The following MLXIPL variants were observed in gnomAD, a reference collection of about 807,000 sequenced individuals.
The protein encoded by MLXIPL is carbohydrate-responsive element-binding protein.
In MLXIPL, 49 loss-of-function variants were observed where a neutral mutation model predicts 81.5. The ratio of observed to expected loss-of-function variants is 0.60; its 90% CI spans 0.48 to 0.76. The LOEUF (loss-of-function observed/expected upper bound fraction) is 0.76. Ranked by LOEUF, MLXIPL falls within the 30% of genes least tolerant of loss-of-function variation. MLXIPL has a pLI of 0.00. For synonymous variants in MLXIPL, 466 were observed against 485.5 expected (o/e 0.96, Z 0.53); for missense variants, 1,053 against 1,167.0 (o/e 0.90, Z 1.42).
At chr7:73,608,108 CG>C (rs1795449197) in intron 2 of MLXIPL, among the ~76,000 whole-genome samples, 1 of 151,544 alleles carries the variant, frequency 6.6e-6, no homozygotes, top group Admixed American at 6.6e-5. Context: ...CCACCTGCCT[CG>C]GGCTTCCAAA....
At chr7:73,647,907 C>T in the MLXIPL span, among the ~76,000 whole-genome samples, 1 of 151,330 alleles carries the variant, frequency 6.6e-6, no homozygotes, top group Non-Finnish European at 1.5e-5. Flanking sequence ...CAGAGGGCTC[C>T]GTGCGCTGCG....
chr7:73,602,138 T>G (rs868964601), intron 7 of MLXIPL, among the ~76,000 whole-genome samples: 12 of 134,532 alleles, frequency 8.9e-5, no homozygotes, highest in African/African-American at 3.4e-4. Flanking sequence ...CTGCCTTCCT[T>G]CCTTCCTTCC....
the MLXIPL span, among the ~76,000 whole-genome samples, chr7:73,643,430 C>G: frequency 6.6e-6 from 1 of 151,010 alleles, no homozygotes; most frequent in Non-Finnish European, 1.5e-5. Context: ...AGGAGAATGG[C>G]GTGAACCCGG....
chr7:73,596,746 G>C lies in MLXIPL; in HGVS notation c.1715C>G (p.Thr572Ser), dbSNP rs199616981. Reference protein sequence around the residue: ...PEFPCTFLPPTPAPTPPRPPP... With the variant: ...PEFPCTFLPPSPAPTPPRPPP... ...TGGCCGGGGCGGTGTAGGGGCCGGGGTCGGGGGAAGGAATGTGCAGGGGAA... is the reference window on the plus strand; with the variant it reads ...TGGCCGGGGCGGTGTAGGGGCCGGGCTCGGGGGAAGGAATGTGCAGGGGAA... Residue 572 changes from threonine to serine, a missense_variant, in exon 11 of 17, where the codon ACC (threonine) becomes AGC (serine). Transcript: ENST00000313375. The surrounding 1 kb of genome is among the most constrained non-coding windows in gnomAD (Gnocchi z 4.7). 5.0e-6 allele frequency: 8 copies of C among 1,597,734 alleles called. No homozygotes were observed. The highest frequency in any genetic ancestry group is 6.0e-6 in the Non-Finnish European group (7 of 1,173,534).
chr7:73,640,464 A>T, the MLXIPL span, among the ~76,000 whole-genome samples: 74 of 149,770 alleles, frequency 4.9e-4, no homozygotes, highest in Non-Finnish European at 8.6e-4. Flanking sequence ...CAGTAAAGAA[A>T]ATAAGAAGAG....
At chr7:73,642,862 T>C in the MLXIPL span, among the ~76,000 whole-genome samples, 1 of 152,184 alleles carries the variant, frequency 6.6e-6, no homozygotes, top group African/African-American at 2.4e-5. Context: ...CCCTCTCTTC[T>C]CCCCCAAGTT....
chr7:73,624,098 C>G, intron 1 of MLXIPL, 102 bp downstream of exon 1: 1 of 1,413,648 alleles, frequency 7.1e-7, no homozygotes, highest in Non-Finnish European at 9.3e-7. Flanking sequence ...CAGGACCGGG[C>G]TCGGGTGGGG....
chr7:73,643,738 G>A, the MLXIPL span, among the ~76,000 whole-genome samples: 1 of 152,144 alleles, frequency 6.6e-6, no homozygotes, highest in Non-Finnish European at 1.5e-5. Context: ...CAGGTACTAG[G>A]ACAGAGGGGA....
rs782531233 is a variant in MLXIPL at position 73,597,677 on chromosome 7, C to T, written c.1108G>A (p.Ala370Thr). ...AGGAGGAAATCAGAACTCAGGAAGG[C>T]GCTGGAGTCCAAGGGGCCAGGGCAG... is the stretch of plus-strand genomic sequence containing the variant. ...NSCPGPLDSS[A>T]FLSSDFLLPE... Residue 370 changes from alanine to threonine, a missense_variant, in exon 9 of 17, where the codon GCC (alanine) becomes ACC (threonine). Physicochemically the swap from Ala to Thr is moderately conservative, Grantham distance 58 (BLOSUM62 0). This residue lies in a region of MLXIPL where 823 missense variants were observed against 933.0 expected (regional missense o/e 0.88). Transcript: ENST00000313375. 56 of 1,369,238 alleles carry T rather than the reference C, an allele frequency of 4.1e-5. No homozygotes were observed. The highest frequency in any genetic ancestry group is 4.4e-5 in the Non-Finnish European group (47 of 1,065,438). The allele number at this position is 1,369,238 out of a possible 1,614,324, so 84.8% of individuals were successfully genotyped here.
At chr7:73,644,224 T>C in the MLXIPL span, among the ~76,000 whole-genome samples, 1 of 151,928 alleles carries the variant, frequency 6.6e-6, no homozygotes, top group Non-Finnish European at 1.5e-5. Context: ...TTTTTTTTTT[T>C]TGAAGCTGAG....
Position 73,606,128 on chromosome 7 carries a change from G to A in MLXIPL, c.619-17C>T, listed in dbSNP as rs377241027. 5.1e-5 allele frequency: 80 copies of A among 1,559,118 alleles called. 1 individual carries two copies. Among genetic ancestry groups the A allele is most frequent in the Admixed American group, 4.2e-4 (22 of 51,882 alleles). ...GCCTTCCGCCTAGGGAGACAGAGCCGTCAGCAGCCGCTAGAGAGCTCCCAC... is the reference window on the plus strand; with the variant it reads ...GCCTTCCGCCTAGGGAGACAGAGCCATCAGCAGCCGCTAGAGAGCTCCCAC... On this transcript the variant is annotated splice_polypyrimidine_tract_variant and intron_variant, in intron 5 of 16. Transcript: ENST00000313375.
intron 2 of MLXIPL, among the ~76,000 whole-genome samples, chr7:73,612,556 C>G (rs72649035): frequency 6.6e-6 from 1 of 151,162 alleles, no homozygotes; most frequent in Admixed American, 6.6e-5. Context: ...GCAGGAGAAT[C>G]GCTTGAACCC....
At chr7:73,613,267 T>C (rs782102169) in intron 2 of MLXIPL, among the ~76,000 whole-genome samples, 19 of 152,104 alleles carry the variant, frequency 1.2e-4, no homozygotes, top group Non-Finnish European at 2.2e-4. Context: ...GACAGTGAGA[T>C]ACAGATGATC....
chr7:73,621,429 G>T (rs1796338950), intron 1 of MLXIPL, among the ~76,000 whole-genome samples: 1 of 151,508 alleles, frequency 6.6e-6, no homozygotes, highest in African/African-American at 2.4e-5. Context: ...CCCTGATTCA[G>T]GTGGGTCCCT....
chr7:73,597,677 C>G lies in MLXIPL; in HGVS notation c.1108G>C (p.Ala370Pro). Reference sequence around the variant, plus strand: ...AGGAGGAAATCAGAACTCAGGAAGGCGCTGGAGTCCAAGGGGCCAGGGCAG... The same window carrying G: ...AGGAGGAAATCAGAACTCAGGAAGGGGCTGGAGTCCAAGGGGCCAGGGCAG... ...NSCPGPLDSSAFLSSDFLLPE... is the reference protein window; with the variant it reads ...NSCPGPLDSSPFLSSDFLLPE... Residue 370 changes from alanine (A) to proline (P), a missense_variant, in exon 9 of 17, where the codon GCC becomes CCC. Around this residue, in one of 3 missense-constraint regions of MLXIPL, gnomAD observed 823 missense variants for 933.0 expected, o/e 0.88. Transcript: ENST00000313375. 7.3e-7 allele frequency: 1 copy of G among 1,369,356 alleles called. No homozygotes were observed. The highest frequency in any genetic ancestry group is 9.4e-7 in the Non-Finnish European group (1 of 1,065,430). 84.8% of individuals were successfully genotyped at this position (1,369,356 alleles called of 1,614,324 possible).
intron 2 of MLXIPL, chr7:73,609,270 G>A (rs536733650): frequency 1.7e-4 from 21 of 123,304 alleles, no homozygotes; most frequent in African/African-American, 6.8e-4. Flanking sequence ...TTGAGATGGC[G>A]TTTCACTCTT....
the MLXIPL span, among the ~76,000 whole-genome samples, chr7:73,642,158 AGTTT>A: frequency 1.3e-5 from 2 of 152,038 alleles, no homozygotes; most frequent in African/African-American, 4.8e-5. Context: ...TACATTTATC[AGTTT>A]GTTATCAATG....
intron 1 of MLXIPL, among the ~76,000 whole-genome samples, chr7:73,622,883 A>T (rs1796470779): frequency 6.6e-6 from 1 of 152,114 alleles, no homozygotes; most frequent in Non-Finnish European, 1.5e-5. Flanking sequence ...TATAATGAGC[A>T]GCCAAAGTTG....
Position 73,597,580 on chromosome 7 carries a change from G to A in MLXIPL, c.1205C>T (p.Ala402Val). 7 of 1,320,568 alleles carry A rather than the reference G, an allele frequency of 5.3e-6. No homozygotes were observed. The highest frequency in any genetic ancestry group is 6.8e-6 in the Non-Finnish European group (7 of 1,032,182). 81.8% of individuals were successfully genotyped at this position (1,320,568 alleles called of 1,614,324 possible). ...PPPLLHYPPP[A>V]KVPGLEPCPP... ...GCAGGGCTCCAGGCCTGGCACCTTG[G>A]CAGGGGGAGGGTAATGCAGCAGAGG... The change falls in exon 9 of 17, where the codon GCC becomes GTC. Residue 402 changes from alanine (A) to valine (V), a missense_variant. Ala to Val is a moderately conservative substitution (Grantham distance 64). Transcript: ENST00000313375.
Sources: gnomAD v4.1 joint callset for allele counts (sites outside exome capture counted in the v4.1 genomes callset) on GRCh38, gnomAD v4.1.1 for gene constraint, gnomAD v4.1.1 regional missense constraint, Gnocchi (gnomAD v3.1) non-coding constraint, MANE v1.5 for transcripts, NCBI Gene and HGNC (gene_info 2026-07-23, HGNC 2026-07-21) for gene names.